The following ULK4 variants were observed in gnomAD, a reference collection of about 807,000 sequenced individuals.
The protein encoded by ULK4 is inactive serine/threonine-protein kinase ULK4.
A neutral mutation model predicts 160.6 loss-of-function variants in ULK4; 133 were observed. That is an observed-to-expected ratio of 0.83 (90% confidence interval 0.72 to 0.96). The LOEUF (loss-of-function observed/expected upper bound fraction) is 0.96. Among genes scored for constraint, ULK4 ranks in the 40% least tolerant of loss-of-function variants. The probability of loss-of-function intolerance (pLI) is 0.00; values close to 1 mark genes in which losing one functional copy is unlikely to be tolerated. For synonymous variants in ULK4, 534 were observed against 539.8 expected (o/e 0.99, Z 0.15); for missense variants, 1,580 against 1,499.5 (o/e 1.05, Z -0.89).
intron 17 of ULK4, among the ~76,000 whole-genome samples, chr3:41,844,813 A>G (rs1406259904): frequency 2.9e-5 from 4 of 140,284 alleles, no homozygotes; most frequent in Admixed American, 7.1e-5. Flanking sequence ...AAAAAAAAAC[A>G]GCAACTAAAT....
At position 41,926,007 on chromosome 3, in the gene ULK4, C is replaced by G. The variant is rs558991296; in HGVS notation, c.541+5837G>C. On this transcript the variant is annotated intron_variant, in intron 5 of 36. Coordinates refer to ENST00000301831, the MANE Select transcript of ULK4 (RefSeq NM_017886.4). Reference sequence around the variant, plus strand: ...ACAGCATTCAAGCTCTGCTGAAGGTCAGACTACCTTCTCAAGTGGGTCCCT... The same window carrying G: ...ACAGCATTCAAGCTCTGCTGAAGGTGAGACTACCTTCTCAAGTGGGTCCCT... Among the ~76,000 whole-genome samples the G allele has an allele frequency of 2.0e-5, 3 of 152,296 alleles. No homozygotes were observed. The East Asian group carries it at 5.8e-4, about 29-fold the overall frequency.
chr3:41,481,433 T>C (rs963117370), intron 32 of ULK4, among the ~76,000 whole-genome samples: 2 of 152,166 alleles, frequency 1.3e-5, no homozygotes, highest in African/African-American at 4.8e-5. Context: ...AGGTTAGGCA[T>C]CCTTAGCCTT....
At chr3:41,730,844 G>GT (rs2037798069) in intron 22 of ULK4, among the ~76,000 whole-genome samples, 1 of 152,096 alleles carries the variant, frequency 6.6e-6, no homozygotes, top group Admixed American at 6.5e-5. Flanking sequence ...ATAATCAAGT[G>GT]TAATTCATCC....
At chr3:41,767,426 C>CACTTCT (rs2039204851) in intron 21 of ULK4, among the ~76,000 whole-genome samples, 1 of 152,270 alleles carries the variant, frequency 6.6e-6, no homozygotes, top group South Asian at 2.1e-4. Context: ...CTGCTCCCCA[C>CACTTCT]ACTTCTACTT....
chr3:41,763,394 A>C (rs1217479127), intron 21 of ULK4, among the ~76,000 whole-genome samples: 1 of 152,166 alleles, frequency 6.6e-6, no homozygotes, highest in Admixed American at 6.5e-5. Flanking sequence ...AAATATGAAC[A>C]AAATAGATAA....
At chr3:41,265,338 C>A (rs1315321358) in intron 35 of ULK4, among the ~76,000 whole-genome samples, 2 of 152,250 alleles carry the variant, frequency 1.3e-5, no homozygotes, top group Non-Finnish European at 2.9e-5. Flanking sequence ...GCATGAGTCA[C>A]AGCCAGGCGG....
intron 32 of ULK4, among the ~76,000 whole-genome samples, chr3:41,550,212 AAGAG>A (rs1175970073): frequency 1.3e-5 from 2 of 151,712 alleles, no homozygotes; most frequent in Non-Finnish European, 2.9e-5. Context: ...TAAACAATAA[AAGAG>A]AAAGAAAGAA....
Position 41,794,651 on chromosome 3 carries a change from ACT to A in ULK4, c.2011-4810_2011-4809del, listed in dbSNP as rs569902257. ...ACTCCAGCCTGGGTGACAGAGCAAG[ACT>A]CTGTCTCAAAAAAAAAAAAAAAAAA... On this transcript the variant is annotated intron_variant, in intron 20 of 36. Coordinates refer to ENST00000301831, the MANE Select transcript of ULK4 (RefSeq NM_017886.4). Among the ~76,000 whole-genome samples, 779 of 123,070 alleles carry A rather than the reference ACT, an allele frequency of 6.3e-3. 10 individuals carry two copies. The highest frequency in any genetic ancestry group is 9.6e-3 in the Non-Finnish European group (571 of 59,640). The allele number at this position is 123,070 out of a possible 152,430, so 80.7% of individuals were successfully genotyped here.
At chr3:41,646,626 T>C (rs1036017396) in intron 30 of ULK4, among the ~76,000 whole-genome samples, 31 of 152,218 alleles carry the variant, frequency 2.0e-4, no homozygotes, top group Admixed American at 3.9e-4. Context: ...GCCCTTAACA[T>C]TTTTTCCTTC....
chr3:41,517,408 G>A (rs1257087829), intron 32 of ULK4, among the ~76,000 whole-genome samples: 2 of 152,120 alleles, frequency 1.3e-5, no homozygotes, highest in African/African-American at 4.8e-5. Flanking sequence ...AGGGCTTGAG[G>A]GAACTAAGGA....
At chr3:41,573,878 G>C (rs1420838826) in intron 31 of ULK4, among the ~76,000 whole-genome samples, 1 of 152,192 alleles carries the variant, frequency 6.6e-6, no homozygotes, top group East Asian at 1.9e-4. Context: ...CCCAAGCTCA[G>C]AAAAGTCTTC....
intron 21 of ULK4, among the ~76,000 whole-genome samples, chr3:41,774,709 C>A (rs2039537129): frequency 6.7e-6 from 1 of 150,154 alleles, no homozygotes; most frequent in African/African-American, 2.5e-5. Flanking sequence ...TTGACCCAGC[C>A]ATCCCATTAC....
intron 19 of ULK4, among the ~76,000 whole-genome samples, chr3:41,803,811 G>A (rs1035641425): frequency 6.6e-6 from 1 of 152,124 alleles, no homozygotes; most frequent in Non-Finnish European, 1.5e-5. Flanking sequence ...CAAAGGACAT[G>A]AACTCATCAT....
chr3:41,770,411 T>A (rs1421635200), intron 21 of ULK4, among the ~76,000 whole-genome samples: 1 of 152,148 alleles, frequency 6.6e-6, no homozygotes, highest in East Asian at 1.9e-4. Context: ...TAACCACTTG[T>A]TACTCCTTCA....
At position 41,681,544 on chromosome 3, in the gene ULK4, T is replaced by C. The variant is rs373263389; in HGVS notation, c.2942A>G (p.Asn981Ser). The change falls in exon 29 of 37, where the codon AAT becomes AGT. Residue 981 changes from asparagine to serine, a missense_variant. By Grantham distance (46) the Asn-to-Ser change is conservative. Transcript: ENST00000301831. ...GACATCTCGAATGAGAGCCAGAAGA[T>C]TGCTGTCAGAATCAACACTGGCCTT... is the stretch of plus-strand genomic sequence containing the variant. ...KEKASVDSDS[N>S]LLALIRDVLL... 9 of 1,613,898 alleles carry C rather than the reference T, an allele frequency of 5.6e-6. No homozygotes were observed. Among genetic ancestry groups the C allele is most frequent in the Admixed American group, 1.7e-5 (1 of 59,968 alleles).
chr3:41,617,097 C>A (rs2033012567), intron 30 of ULK4, among the ~76,000 whole-genome samples: 1 of 152,186 alleles, frequency 6.6e-6, no homozygotes, highest in Non-Finnish European at 1.5e-5. Flanking sequence ...GGTAGCAGCC[C>A]AAGTCAGGGG....
chr3:41,274,867 G>A (rs2079202724), intron 35 of ULK4, among the ~76,000 whole-genome samples: 2 of 152,118 alleles, frequency 1.3e-5, no homozygotes, highest in Non-Finnish European at 2.9e-5. Flanking sequence ...TTTATGTGGT[G>A]GCAGGGAAGA....
intron 35 of ULK4, among the ~76,000 whole-genome samples, chr3:41,378,632 TG>T (rs2081571821): frequency 1.4e-5 from 2 of 145,334 alleles, no homozygotes; most frequent in South Asian, 4.5e-4. Flanking sequence ...GGGCCTGTCA[TG>T]GGGTAGGGGA....
At position 41,828,099 on chromosome 3, in the gene ULK4, G is replaced by A. The variant is rs182042897; in HGVS notation, c.1764+7765C>T. Among the ~76,000 whole-genome samples, 376 of 138,220 alleles carry A rather than the reference G, an allele frequency of 2.7e-3. 2 individuals are homozygous for A. Among genetic ancestry groups the A allele is most frequent in the African/African-American group, 0.011 (329 of 30,762 alleles). The allele number at this position is 138,220 out of a possible 152,430, so 90.7% of individuals were successfully genotyped here. ...AAAAGGCCTTTGACAAAATTCAACA[G>A]CCCTTCATGCTAAAAACTCTCAAAA... is the stretch of plus-strand genomic sequence containing the variant. On this transcript the variant is annotated intron_variant, in intron 18 of 36. Coordinates refer to ENST00000301831, the MANE Select transcript of ULK4 (RefSeq NM_017886.4).
Sources: allele counts gnomAD v4.1 joint callset (sites outside exome capture counted in the v4.1 genomes callset), GRCh38; gene constraint gnomAD v4.1.1; transcripts MANE v1.5; gene names NCBI Gene and HGNC (gene_info 2026-07-23, HGNC 2026-07-21).